Variants in HSD17B12 observed in about 807,000 individuals in gnomAD.
The protein encoded by HSD17B12 is very-long-chain 3-oxoacyl-CoA reductase.
HSD17B12 carries 32 observed loss-of-function variants against 39.3 expected under a neutral mutation model. The observed-to-expected ratio is 0.81, with a 90% CI of 0.61 to 1.09. HSD17B12 has a LOEUF of 1.09. Ranked by LOEUF, HSD17B12 falls within the 50% of genes least tolerant of loss-of-function variation. The pLI, the probability that HSD17B12 is intolerant of heterozygous loss-of-function variation, is 0.00. For missense variants in HSD17B12, 342 were observed against 382.9 expected (o/e 0.89, Z 0.89); for synonymous variants, 150 against 146.7 (o/e 1.02, Z -0.16).
At chr11:43,766,807 C>T (rs1373384053) in intron 3 of HSD17B12, among the ~76,000 whole-genome samples, 2 of 152,214 alleles carry the variant, frequency 1.3e-5, no homozygotes, top group Non-Finnish European at 2.9e-5. Flanking sequence ...TTTTGGCACA[C>T]ATGGTTTTTT....
At chr11:43,622,566 A>T in the HSD17B12 span, among the ~76,000 whole-genome samples, 3 of 152,176 alleles carry the variant, frequency 2.0e-5, no homozygotes, top group Admixed American at 2.0e-4. Context: ...GTATAAATAG[A>T]TAAAGTGATA....
upstream of HSD17B12, chr11:43,680,550 G>C (rs994071128): frequency 2.1e-6 from 1 of 482,548 alleles, no homozygotes; most frequent in African/African-American, 2.0e-5. Context: ...GGGTGAGACA[G>C]GGCGCTCACT....
At chr11:43,583,375 C>T in the HSD17B12 span, among the ~76,000 whole-genome samples, 1 of 152,314 alleles carries the variant, frequency 6.6e-6, no homozygotes, top group East Asian at 1.9e-4. Context: ...AGCCAGACAA[C>T]TGTTGCTGCC....
At chr11:43,653,785 TAATC>T in the HSD17B12 span, among the ~76,000 whole-genome samples, 1 of 152,234 alleles carries the variant, frequency 6.6e-6, no homozygotes, top group Non-Finnish European at 1.5e-5. Context: ...CACATTTTCT[TAATC>T]CAGTCTATCA....
At chr11:43,649,283 A>C in the HSD17B12 span, among the ~76,000 whole-genome samples, 1 of 152,046 alleles carries the variant, frequency 6.6e-6, no homozygotes, top group South Asian at 2.1e-4. Flanking sequence ...TAATGGAGTT[A>C]ATTTTAAAAT....
At chr11:43,758,761 G>A (rs923648619) in intron 3 of HSD17B12, among the ~76,000 whole-genome samples, 12 of 152,122 alleles carry the variant, frequency 7.9e-5, no homozygotes, top group Admixed American at 3.9e-4. Context: ...AAACTCAAAT[G>A]TAGCCACCAT....
chr11:43,795,433 A>G (rs570128313), intron 3 of HSD17B12, among the ~76,000 whole-genome samples: 8 of 152,276 alleles, frequency 5.3e-5, no homozygotes, highest in Non-Finnish European at 8.8e-5. Flanking sequence ...ATGCACATCT[A>G]TTTTTGATTC....
chr11:43,703,379 A>G (rs1167568100), intron 1 of HSD17B12, among the ~76,000 whole-genome samples: 2 of 152,046 alleles, frequency 1.3e-5, no homozygotes, highest in African/African-American at 4.8e-5. Flanking sequence ...TATTTTTAGT[A>G]GAGACGGGGT....
chr11:43,717,801 CTTCTTTTTTT>C (rs1293921433), intron 1 of HSD17B12, among the ~76,000 whole-genome samples: 1 of 131,678 alleles, frequency 7.6e-6, no homozygotes, highest in Non-Finnish European at 1.6e-5. Flanking sequence ...CATTCTTCTT[CTTCTTTTTTT>C]TTTTTTTTTT....
At chr11:43,745,999 G>A (rs1292598277) in intron 1 of HSD17B12, among the ~76,000 whole-genome samples, 2 of 152,138 alleles carry the variant, frequency 1.3e-5, no homozygotes, top group Non-Finnish European at 2.9e-5. Flanking sequence ...GACAGAGCAA[G>A]ACCCTGACTC....
chr11:43,637,217 C>CTTTT, the HSD17B12 span, among the ~76,000 whole-genome samples: 173 of 109,424 alleles, frequency 1.6e-3, 3 homozygotes, highest in East Asian at 4.4e-3. Flanking sequence ...GGTGTTTTTC[C>CTTTT]TTTTTTTTTT....
At chr11:43,744,265 G>A (rs974433524) in intron 1 of HSD17B12, among the ~76,000 whole-genome samples, 16 of 152,018 alleles carry the variant, frequency 1.1e-4, no homozygotes, top group African/African-American at 3.4e-4. Flanking sequence ...CCAATGCCTA[G>A]CACCAGTGAG....
At chr11:43,729,519 A>G (rs1950249923) in intron 1 of HSD17B12, among the ~76,000 whole-genome samples, 1 of 152,194 alleles carries the variant, frequency 6.6e-6, no homozygotes, top group Admixed American at 6.5e-5. Context: ...GCTGGAGACC[A>G]GGAAATTTCT....
chr11:43,705,198 G>T (rs1950002211), intron 1 of HSD17B12, among the ~76,000 whole-genome samples: 1 of 152,182 alleles, frequency 6.6e-6, no homozygotes, highest in Non-Finnish European at 1.5e-5. Flanking sequence ...AATAAATAAA[G>T]TCTCATTCCT....
At chr11:43,696,572 T>C (rs1949913639) in intron 1 of HSD17B12, among the ~76,000 whole-genome samples, 1 of 152,188 alleles carries the variant, frequency 6.6e-6, no homozygotes. Flanking sequence ...TTAGTGGGAC[T>C]CTAAATTAGT....
chr11:43,599,660 C>A, the HSD17B12 span, among the ~76,000 whole-genome samples: 1 of 152,104 alleles, frequency 6.6e-6, no homozygotes, highest in Non-Finnish European at 1.5e-5. Flanking sequence ...AAAATCACTT[C>A]CTTGTTTTCA....
intron 1 of HSD17B12, among the ~76,000 whole-genome samples, chr11:43,744,601 G>A (rs1321687738): frequency 3.9e-5 from 6 of 152,158 alleles, no homozygotes; most frequent in Non-Finnish European, 4.4e-5. Context: ...GAGACATGAT[G>A]ACTAAATGTG....
chr11:43,748,893 T>C (rs1950440925), intron 1 of HSD17B12, among the ~76,000 whole-genome samples: 3 of 152,164 alleles, frequency 2.0e-5, no homozygotes, highest in Non-Finnish European at 2.9e-5. Context: ...GGTAACTAAC[T>C]AATGAGGAAT....
chr11:43,722,891 G>T (rs1185079395), intron 1 of HSD17B12, among the ~76,000 whole-genome samples: 1 of 152,056 alleles, frequency 6.6e-6, no homozygotes, highest in African/African-American at 2.4e-5. Flanking sequence ...GTAATGGGAA[G>T]TCACTGAAGG....
Sources: allele counts gnomAD v4.1 joint callset (sites outside exome capture counted in the v4.1 genomes callset), GRCh38; gene constraint gnomAD v4.1.1; transcripts MANE v1.5; gene names NCBI Gene and HGNC (gene_info 2026-07-23, HGNC 2026-07-21).